CREG2: variants seen among roughly 807,000 people sequenced by gnomAD.
CREG2 encodes the protein cellular repressor of E1A stimulated genes 2.
CREG2 carries 24 observed loss-of-function variants against 26.2 expected under a neutral mutation model. That is an observed-to-expected ratio of 0.92 (90% CI 0.66 to 1.29). The LOEUF is 1.29. Among genes scored for constraint, CREG2 ranks in the 50% most tolerant of loss-of-function variants. CREG2 has a pLI of 0.00. For synonymous variants in CREG2, 174 were observed against 169.2 expected (o/e 1.03, Z -0.22); for missense variants, 366 against 398.6 (o/e 0.92, Z 0.70).
In CREG2 at chr2:101,355,283, A is replaced by T; in HGVS notation, c.695T>A (p.Val232Glu). ...AAACATGGCTTGCTTGGCAAATTCTACTTCTTCTGGAGACACTGCGATCAT... is the reference window on the plus strand; with the variant it reads ...AAACATGGCTTGCTTGGCAAATTCTTCTTCTTCTGGAGACACTGCGATCAT... ...GQMIAVSPEE[V>E]EFAKQAMFSR... Residue 232 changes from valine (V) to glutamate (E), a missense_variant, in exon 3 of 4, where the codon GTA becomes GAA. Physicochemically the swap from Val to Glu is moderately radical, Grantham distance 121. This residue lies in a region of CREG2 where 174 missense variants were observed against 178.2 expected (regional missense o/e 0.98). Transcript: ENST00000324768. 1.2e-6 allele frequency: 2 copies of T among 1,613,546 alleles called. No homozygotes were observed. Among genetic ancestry groups the T allele is most frequent in the Non-Finnish European group, 1.7e-6 (2 of 1,179,504 alleles).
chr2:101,373,628 G>A (rs570796335), intron 2 of CREG2, among the ~76,000 whole-genome samples: 2 of 152,248 alleles, frequency 1.3e-5, no homozygotes, highest in East Asian at 1.9e-4. Flanking sequence ...AGAAGATGGA[G>A]GAAAAGGATA....
rs559254373 is a variant in CREG2, at chr2:101,374,998, C to T, written c.611+8535G>A. Among the ~76,000 whole-genome samples the T allele has an allele frequency of 1.1e-4, 16 of 152,348 alleles. No individual in the cohort carries two copies. In the South Asian group the frequency reaches 3.3e-3, roughly 32 times the overall value. On this transcript the variant is annotated intron_variant, in intron 2 of 3. Coordinates refer to ENST00000324768, the MANE Select transcript of CREG2 (RefSeq NM_153836.4). ...GCAAACTGACCCGCCTGCTGACACC[C>T]TCCCCTCAGTTACTCTGCTTCACAG...
At chr2:101,368,558 A>T (rs1011590388) in intron 2 of CREG2, among the ~76,000 whole-genome samples, 2 of 152,208 alleles carry the variant, frequency 1.3e-5, no homozygotes, top group Non-Finnish European at 2.9e-5. Context: ...CAGACACCAG[A>T]CGGCTTGCCA....
intron 2 of CREG2, among the ~76,000 whole-genome samples, chr2:101,359,726 C>A (rs1405481157): frequency 5.9e-5 from 9 of 152,238 alleles, no homozygotes. Context: ...ATCTCTGGAC[C>A]TTCAAACTCC....
chr2:101,364,498 G>A (rs1413413264), intron 2 of CREG2, among the ~76,000 whole-genome samples: 2 of 152,246 alleles, frequency 1.3e-5, no homozygotes, highest in Non-Finnish European at 2.9e-5. Flanking sequence ...ACTTAGTGGA[G>A]GGAGAGGAGT....
chr2:101,387,189 C>CG lies in CREG2; in HGVS notation c.268_269insC (p.Gly90AlafsTer32). On this transcript the variant is annotated frameshift_variant, in exon 1 of 4. Transcript: ENST00000324768. LOFTEE classifies it high-confidence loss of function. This position sits in a 1 kb window ranked among gnomAD's most constrained non-coding sequence, Gnocchi z 4.7. ...GGGGGGCGGCCTGGCCCGGGCGGCG[C>CG]CCGCCCGGGGCCGCAGGTGCGCGTC... The CG allele has an allele frequency of 7.4e-7, 1 of 1,346,078 alleles. No individual in the cohort carries two copies. The highest frequency in any genetic ancestry group is 1.5e-5 in the African/African-American group (1 of 66,418). The allele number at this position is 1,346,078 out of a possible 1,614,324, so 83.4% of individuals were successfully genotyped here.
At chr2:101,384,011 G>A (rs565089913) in intron 1 of CREG2, among the ~76,000 whole-genome samples, 3 of 152,314 alleles carry the variant, frequency 2.0e-5, no homozygotes, top group Non-Finnish European at 4.4e-5. Flanking sequence ...TAAATTTCAT[G>A]TTCTTTTGGG....
intron 2 of CREG2, among the ~76,000 whole-genome samples, chr2:101,370,825 C>A (rs905163930): frequency 6.6e-6 from 1 of 152,166 alleles, no homozygotes; most frequent in Non-Finnish European, 1.5e-5. Flanking sequence ...GAGCTAGCAG[C>A]CAGGCTGAGA....
At chr2:101,370,330 T>C (rs1000575924) in intron 2 of CREG2, among the ~76,000 whole-genome samples, 1 of 152,206 alleles carries the variant, frequency 6.6e-6, no homozygotes, top group Non-Finnish European at 1.5e-5. Flanking sequence ...CCCAGTCCTG[T>C]GCAGAAGAAA....
chr2:101,361,989 C>T (rs1370287505), intron 2 of CREG2, among the ~76,000 whole-genome samples: 2 of 152,182 alleles, frequency 1.3e-5, no homozygotes, highest in Admixed American at 6.6e-5. Flanking sequence ...CCCTCTCACA[C>T]GCAGCTTCAG....
chr2:101,372,174 G>T (rs533840683), intron 2 of CREG2, among the ~76,000 whole-genome samples: 1 of 152,218 alleles, frequency 6.6e-6, no homozygotes, highest in East Asian at 1.9e-4. Flanking sequence ...ACTGTTAGGG[G>T]ACTTTGTATA....
chr2:101,377,954 GA>G (rs1199935855), intron 2 of CREG2, among the ~76,000 whole-genome samples: 1 of 152,104 alleles, frequency 6.6e-6, no homozygotes, highest in African/African-American at 2.4e-5. Flanking sequence ...AATAAAGATT[GA>G]ATATATTCAA....
chr2:101,355,575 G>T (rs375163796), intron 2 of CREG2, among the ~76,000 whole-genome samples: 6,663 of 152,196 alleles, frequency 0.044, 196 homozygotes, highest in Non-Finnish European at 0.066. Context: ...ATGTAGGTTA[G>T]ATATCAGTCT....
At chr2:101,358,257 G>C (rs1024821803) in intron 2 of CREG2, among the ~76,000 whole-genome samples, 1 of 152,140 alleles carries the variant, frequency 6.6e-6, no homozygotes, top group African/African-American at 2.4e-5. Flanking sequence ...CTCCCAAAGT[G>C]CTGGGATTAC....
intron 2 of CREG2, among the ~76,000 whole-genome samples, chr2:101,375,152 T>C (rs1684770692): frequency 1.3e-5 from 2 of 152,226 alleles, no homozygotes; most frequent in African/African-American, 4.8e-5. Flanking sequence ...CTCTGGTGTG[T>C]GATTCCTCAG....
Position 101,348,423 on chromosome 2 carries a change from C to G in CREG2, c.*2500G>C, listed in dbSNP as rs1233485651. On this transcript the variant is annotated 3_prime_UTR_variant, in exon 4 of 4. Coordinates refer to ENST00000324768, the MANE Select transcript of CREG2 (RefSeq NM_153836.4). ...TCTTTACTGTTTGTATCTTCCAATC[C>G]AAGAACATGGTATCTCTCTTTCTTT... The G allele has an allele frequency of 6.6e-6, 1 of 152,100 alleles. No individual in the cohort carries two copies. The highest frequency in any genetic ancestry group is 1.9e-4 in the East Asian group (1 of 5,194). The allele number at this position is 152,100 out of a possible 1,614,324, so 9.4% of individuals were successfully genotyped here.
At chr2:101,378,336 C>T (rs1019532034) in intron 2 of CREG2, among the ~76,000 whole-genome samples, 2 of 152,168 alleles carry the variant, frequency 1.3e-5, no homozygotes, top group African/African-American at 4.8e-5. Context: ...CATATAAGAC[C>T]GGCTTAAATG....
chr2:101,351,295 G>T (rs982496591), intron 3 of CREG2, among the ~76,000 whole-genome samples: 1 of 152,198 alleles, frequency 6.6e-6, no homozygotes, highest in Non-Finnish European at 1.5e-5. Flanking sequence ...CGTGGGCCAG[G>T]CTCCTTGGTG....
At position 101,348,888 on chromosome 2, in the gene CREG2, C is replaced by T. The variant is rs981639448; in HGVS notation, c.*2035G>A. On this transcript the variant is annotated 3_prime_UTR_variant, in exon 4 of 4. Coordinates refer to ENST00000324768, the MANE Select transcript of CREG2 (RefSeq NM_153836.4). ...TGAAACACACTTGCCTGAATGGAGACCATCAAACTTAAAACTGTGAATTTT... is the reference window on the plus strand; with the variant it reads ...TGAAACACACTTGCCTGAATGGAGATCATCAAACTTAAAACTGTGAATTTT... 1 of 152,112 alleles carries T rather than the reference C, an allele frequency of 6.6e-6. No homozygotes were observed. The highest frequency in any genetic ancestry group is 1.5e-5 in the Non-Finnish European group (1 of 68,032). 9.4% of individuals were successfully genotyped at this position (152,112 alleles called of 1,614,324 possible). A position where few individuals can be genotyped will look rare whatever the true frequency, so the allele number is the denominator to read the frequency against.
Sources: gnomAD v4.1 joint callset for allele counts (sites outside exome capture counted in the v4.1 genomes callset) on GRCh38, gnomAD v4.1.1 for gene constraint, gnomAD v4.1.1 regional missense constraint, Gnocchi (gnomAD v3.1) non-coding constraint, MANE v1.5 for transcripts, NCBI Gene and HGNC (gene_info 2026-07-23, HGNC 2026-07-21) for gene names.